PAM: variants seen among roughly 807,000 people sequenced by gnomAD.
The protein encoded by PAM is peptidyl-glycine alpha-amidating monooxygenase.
A neutral mutation model predicts 122.1 loss-of-function variants in PAM; 72 were observed. That is an observed-to-expected ratio of 0.59 (90% CI 0.49 to 0.72). PAM has a LOEUF of 0.72. Ranked by LOEUF, PAM falls within the 30% of genes least tolerant of loss-of-function variation. The pLI is 0.00. For synonymous variants in PAM, 389 were observed against 404.4 expected (o/e 0.96, Z 0.46); for missense variants, 1,106 against 1,183.7 (o/e 0.93, Z 0.96).
intron 16 of PAM, among the ~76,000 whole-genome samples, chr5:102,992,087 G>GA (rs1006655960): frequency 6.6e-6 from 1 of 152,144 alleles, no homozygotes; most frequent in Non-Finnish European, 1.5e-5. Flanking sequence ...GGTGGAAGAT[G>GA]AAGTAAGACT....
chr5:102,988,610 GAGGAA>G (rs931885120), intron 15 of PAM, among the ~76,000 whole-genome samples: 14 of 140,642 alleles, frequency 1.0e-4, no homozygotes, highest in East Asian at 3.9e-4. Context: ...AAGGGAAAGG[GAGGAA>G]AGGAAAGGAA....
intron 13 of PAM, among the ~76,000 whole-genome samples, 163 bp downstream of exon 13, chr5:102,960,222 C>T (rs1481251387): frequency 1.3e-5 from 2 of 151,978 alleles, no homozygotes; most frequent in Non-Finnish European, 2.9e-5. Context: ...CATATCCTAT[C>T]TCCCCTCCCT....
chr5:102,999,579 A>G (rs767231484), intron 16 of PAM, among the ~76,000 whole-genome samples: 4 of 152,212 alleles, frequency 2.6e-5, no homozygotes, highest in Admixed American at 6.5e-5. Context: ...GTTCTTAGTG[A>G]GGGTTCCTCC....
At chr5:102,854,843 A>G (rs1782208495) in intron 1 of PAM, among the ~76,000 whole-genome samples, 1 of 152,242 alleles carries the variant, frequency 6.6e-6, no homozygotes, top group South Asian at 2.1e-4. Flanking sequence ...ATTTTCAGCC[A>G]GAAGAAAATT....
At position 102,865,989 on chromosome 5, in the gene PAM, G is replaced by A. The variant is rs1346808097; in HGVS notation, c.-207G>A. ...CCGGACAAAAGTCCCGCCTGCCCACGGCTTTTTGCCCGCCGCTCGTGACCG... is the reference window on the plus strand; with the variant it reads ...CCGGACAAAAGTCCCGCCTGCCCACAGCTTTTTGCCCGCCGCTCGTGACCG... On this transcript the variant is annotated 5_prime_UTR_variant, in exon 2 of 26. Coordinates refer to ENST00000438793, the MANE Select transcript of PAM (RefSeq NM_001177306.2). The A allele has an allele frequency of 1.6e-5, 7 of 451,066 alleles. No individual in the cohort carries two copies. Among genetic ancestry groups the A allele is most frequent in the Non-Finnish European group, 2.7e-5 (7 of 259,848 alleles). 27.9% of individuals were successfully genotyped at this position (451,066 alleles called of 1,614,324 possible).
At chr5:102,813,737 T>A (rs565500249) in intron 1 of PAM, among the ~76,000 whole-genome samples, 1 of 152,280 alleles carries the variant, frequency 6.6e-6, no homozygotes, top group Admixed American at 6.5e-5. Flanking sequence ...AATTTTTCCA[T>A]TAACTCCTCT....
At chr5:102,815,629 T>G (rs1418285672) in intron 1 of PAM, among the ~76,000 whole-genome samples, 1 of 152,144 alleles carries the variant, frequency 6.6e-6, no homozygotes, top group Non-Finnish European at 1.5e-5. Context: ...AGAAAAAACT[T>G]GTGCTTCCTA....
chr5:102,860,813 T>C (rs893514802), intron 1 of PAM, among the ~76,000 whole-genome samples: 2 of 152,140 alleles, frequency 1.3e-5, no homozygotes, highest in African/African-American at 2.4e-5. Flanking sequence ...AAGTTAATAT[T>C]GTCAGTAATG....
chr5:102,879,294 T>C (rs376256092), intron 3 of PAM, among the ~76,000 whole-genome samples: 28 of 152,288 alleles, frequency 1.8e-4, no homozygotes, highest in African/African-American at 6.5e-4. Context: ...TCTACAGTAG[T>C]GTACAGTAAT....
intron 3 of PAM, among the ~76,000 whole-genome samples, chr5:102,876,766 T>G (rs1237327504): frequency 6.6e-6 from 1 of 152,252 alleles, no homozygotes; most frequent in Non-Finnish European, 1.5e-5. Context: ...TGGAAATTAC[T>G]GAAGCTATGA....
chr5:102,915,908 T>C (rs980946196), intron 5 of PAM, among the ~76,000 whole-genome samples: 6 of 152,132 alleles, frequency 3.9e-5, no homozygotes, highest in African/African-American at 1.4e-4. Flanking sequence ...TAAACTATTC[T>C]GAAATTAAAT....
chr5:102,819,153 C>T (rs1371992963), intron 1 of PAM, among the ~76,000 whole-genome samples: 1 of 152,134 alleles, frequency 6.6e-6, no homozygotes, highest in Non-Finnish European at 1.5e-5. Flanking sequence ...ATCCTGAAAC[C>T]CTCCAAAGTG....
intron 7 of PAM, among the ~76,000 whole-genome samples, chr5:102,934,405 G>A (rs969795216): frequency 6.6e-6 from 1 of 152,198 alleles, no homozygotes; most frequent in Non-Finnish European, 1.5e-5. Context: ...CTCAGCTCCA[G>A]AGACAGCAGC....
At chr5:102,828,778 G>A (rs544818126) in intron 1 of PAM, among the ~76,000 whole-genome samples, 1 of 152,298 alleles carries the variant, frequency 6.6e-6, no homozygotes, top group East Asian at 1.9e-4. Flanking sequence ...AGAGTTGGTT[G>A]TTGGCTTGTT....
chr5:102,950,418 T>G (rs6861243), intron 11 of PAM, among the ~76,000 whole-genome samples: 51 of 81,750 alleles, frequency 6.2e-4, no homozygotes, highest in East Asian at 6.0e-3. Context: ...TGTGGGTGGG[T>G]GTGTGTGTGT....
intron 5 of PAM, 50 bp downstream of exon 5, chr5:102,914,071 C>T (rs749946764): frequency 1.0e-6 from 1 of 973,296 alleles, no homozygotes; most frequent in East Asian, 2.4e-5. Context: ...ATGTGTTTTA[C>T]AAGTGCAAAG....
At chr5:103,012,946 A>G (rs942645947) in intron 21 of PAM, among the ~76,000 whole-genome samples, 4 of 150,720 alleles carry the variant, frequency 2.7e-5, no homozygotes, top group African/African-American at 9.7e-5. Flanking sequence ...GTCTGTTTTT[A>G]TGGCAGTACC....
At chr5:102,885,685 T>C (rs1451581615) in intron 3 of PAM, among the ~76,000 whole-genome samples, 3 of 152,016 alleles carry the variant, frequency 2.0e-5, no homozygotes, top group Non-Finnish European at 4.4e-5. Flanking sequence ...CTAAATAGTT[T>C]ATAGTCAAGA....
chr5:102,996,403 C>T (rs1775715609), intron 16 of PAM, among the ~76,000 whole-genome samples: 1 of 152,158 alleles, frequency 6.6e-6, no homozygotes, highest in African/African-American at 2.4e-5. Flanking sequence ...ACTAAATAAG[C>T]AGTTTGCTAT....
Sources: gnomAD v4.1 joint callset for allele counts (sites outside exome capture counted in the v4.1 genomes callset) on GRCh38, gnomAD v4.1.1 for gene constraint, MANE v1.5 for transcripts, NCBI Gene and HGNC (gene_info 2026-07-23, HGNC 2026-07-21) for gene names.